DIP2C: variants seen among roughly 807,000 people sequenced by gnomAD.
DIP2C encodes the protein DIP2 acetate--CoA ligase C (putative).
In DIP2C, 33 loss-of-function variants were observed where a neutral mutation model predicts 192.4. That is an observed-to-expected ratio of 0.17 (90% confidence interval 0.13 to 0.23). DIP2C has a LOEUF of 0.23. DIP2C is among the 10% of genes least tolerant of loss of function. The pLI is 1.00. For missense variants in DIP2C, 1,537 were observed against 2,110.1 expected, an observed-to-expected ratio of 0.73 and a Z score of 5.32; for synonymous variants, 979 against 864.1, an observed-to-expected ratio of 1.13 and a Z score of -2.33.
intron 21 of DIP2C, 76 bp from the exon 22 acceptor site, chr10:362,767 G>C (rs1159949112): frequency 6.9e-7 from 1 of 1,443,970 alleles, no homozygotes; most frequent in East Asian, 2.3e-5. Context: ...TGCAAAATAT[G>C]ATCCACAATA....
chr10:374,320 AAAT>A (rs2132821978), intron 17 of DIP2C, among the ~76,000 whole-genome samples: 1 of 152,328 alleles, frequency 6.6e-6, no homozygotes, highest in Non-Finnish European at 1.5e-5. Context: ...TATCCTCCCA[AAAT>A]AACATACTTT....
intron 1 of DIP2C, among the ~76,000 whole-genome samples, chr10:634,786 G>C (rs1332909972): frequency 6.6e-6 from 1 of 151,646 alleles, no homozygotes; most frequent in African/African-American, 2.4e-5. Context: ...AAAAGAAAAA[G>C]AAAAAAATGA....
At chr10:602,917 C>T (rs913001307) in intron 1 of DIP2C, among the ~76,000 whole-genome samples, 3 of 152,154 alleles carry the variant, frequency 2.0e-5, no homozygotes, top group African/African-American at 7.2e-5. Context: ...TCCCGCCTCT[C>T]AACACAACAG....
intron 31 of DIP2C, among the ~76,000 whole-genome samples, chr10:319,204 C>T (rs1236840199): frequency 2.6e-5 from 4 of 152,142 alleles, no homozygotes; most frequent in Non-Finnish European, 2.9e-5. Flanking sequence ...TGAGCCACCG[C>T]GCCTGGCTCA....
chr10:635,889 G>A (rs1477863445), intron 1 of DIP2C, among the ~76,000 whole-genome samples: 1 of 152,198 alleles, frequency 6.6e-6, no homozygotes, highest in South Asian at 2.1e-4. Flanking sequence ...GGCTCAACGG[G>A]GTCCTCGGTG....
chr10:562,705 G>T (rs564063509), intron 1 of DIP2C, among the ~76,000 whole-genome samples: 40 of 152,154 alleles, frequency 2.6e-4, no homozygotes, highest in Non-Finnish European at 4.9e-4. Flanking sequence ...CTTCCTCACT[G>T]AAAACAAGTG....
intron 2 of DIP2C, among the ~76,000 whole-genome samples, chr10:477,775 AGAAGG>A (rs1843185192): frequency 7.1e-6 from 1 of 141,404 alleles, no homozygotes; most frequent in African/African-American, 2.7e-5. Context: ...AAAAAGGAAA[AGAAGG>A]AGAGAGAAAG....
chr10:477,910 G>A (rs372821098), intron 2 of DIP2C, among the ~76,000 whole-genome samples: 4 of 98,156 alleles, frequency 4.1e-5, no homozygotes, highest in African/African-American at 8.5e-5. Flanking sequence ...GAGAGGGAAA[G>A]AAAAGACAGG....
chr10:374,822 G>A (rs1395830957), intron 17 of DIP2C, among the ~76,000 whole-genome samples: 1 of 152,118 alleles, frequency 6.6e-6, no homozygotes, highest in African/African-American at 2.4e-5. Flanking sequence ...GAATTCGAGG[G>A]GGTTTAAAAA....
rs746825283 is a variant in DIP2C at position 356,266 on chromosome 10, A to G, written c.2985+160T>C. 3.7e-5 allele frequency: 30 copies of G among 803,482 alleles called. No homozygotes were observed. In the Admixed American group the frequency reaches 3.9e-4, roughly 10 times the overall value. The allele number at this position is 803,482 out of a possible 1,614,324, so 49.8% of individuals were successfully genotyped here. ...TGCACAAATGGTTACGTTTAAAAAC[A>G]ATCCCTAGGTACAAAAGTCTCAGTC... On this transcript the variant is annotated intron_variant, in intron 24 of 36. Transcript: ENST00000280886.
At chr10:364,171 A>T (rs1230849336) in intron 20 of DIP2C, among the ~76,000 whole-genome samples, 1 of 152,204 alleles carries the variant, frequency 6.6e-6, no homozygotes, top group Admixed American at 6.5e-5. Context: ...ATATTTATGG[A>T]GCTCAGGGAA....
intron 1 of DIP2C, among the ~76,000 whole-genome samples, chr10:546,374 A>T (rs1186351083): frequency 1.3e-5 from 2 of 152,206 alleles, no homozygotes. Flanking sequence ...CATTTTCCAA[A>T]ATAAGCAGCA....
chr10:345,242 C>A, intron 26 of DIP2C, 132 bp from the exon 27 acceptor site: 2 of 914,446 alleles, frequency 2.2e-6, no homozygotes, highest in South Asian at 1.4e-5. Context: ...GTTACCGAGC[C>A]CTCCTGCTGG....
chr10:493,704 G>C (rs1844616700), intron 1 of DIP2C, among the ~76,000 whole-genome samples: 1 of 152,222 alleles, frequency 6.6e-6, no homozygotes, highest in African/African-American at 2.4e-5. Context: ...TGAGCATGAG[G>C]ACAGGTGGAC....
At chr10:565,563 A>G (rs1849422252) in intron 1 of DIP2C, among the ~76,000 whole-genome samples, 1 of 152,198 alleles carries the variant, frequency 6.6e-6, no homozygotes, top group African/African-American at 2.4e-5. Context: ...TCCACAGACT[A>G]CTAACCCAAC....
intron 1 of DIP2C, among the ~76,000 whole-genome samples, chr10:553,320 T>C (rs533742907): frequency 7.2e-5 from 11 of 152,340 alleles, no homozygotes; most frequent in Admixed American, 2.6e-4. Context: ...CAGGGCTGCG[T>C]GTGTGGCGCC....
chr10:293,019 T>C (rs1589405362), intron 32 of DIP2C, among the ~76,000 whole-genome samples: 1 of 152,128 alleles, frequency 6.6e-6, no homozygotes, highest in African/African-American at 2.4e-5. Flanking sequence ...CCAACAGAAG[T>C]GCGCCGGCAT....
chr10:582,070 G>A (rs1400275663), intron 1 of DIP2C, among the ~76,000 whole-genome samples: 1 of 152,098 alleles, frequency 6.6e-6, no homozygotes, highest in African/African-American at 2.4e-5. Context: ...TAGGATTCCA[G>A]TGTCTATGAG....
At chr10:488,420 G>T (rs1038021399) in intron 1 of DIP2C, among the ~76,000 whole-genome samples, 1 of 152,170 alleles carries the variant, frequency 6.6e-6, no homozygotes, top group South Asian at 2.1e-4. Flanking sequence ...TTACAGATGA[G>T]AATTTGAGGC....
Sources: gnomAD v4.1 joint callset for allele counts (sites outside exome capture counted in the v4.1 genomes callset) on GRCh38, gnomAD v4.1.1 for gene constraint, MANE v1.5 for transcripts, NCBI Gene and HGNC (gene_info 2026-07-23, HGNC 2026-07-21) for gene names.